Variants in SGPP1 observed in about 807,000 individuals in gnomAD.
SGPP1 encodes the protein hSPP1.
SGPP1 carries 21 observed loss-of-function variants against 33.0 expected under a neutral mutation model. That is an observed-to-expected ratio of 0.64 (90% CI 0.45 to 0.92). The LOEUF (loss-of-function observed/expected upper bound fraction) is 0.92. Ranked by LOEUF, SGPP1 falls within the 40% of genes least tolerant of loss-of-function variation. The probability of loss-of-function intolerance (pLI) is 0.00; values close to 1 mark genes in which losing one functional copy is unlikely to be tolerated. For missense variants in SGPP1, 543 were observed against 589.4 expected (o/e 0.92, Z 0.81); for synonymous variants, 239 against 241.2 (o/e 0.99, Z 0.08).
chr14:63,712,489 G>C (rs118123508), intron 1 of SGPP1, among the ~76,000 whole-genome samples: 4,532 of 152,200 alleles, frequency 0.03, 148 homozygotes, highest in Admixed American at 0.094. Context: ...TGGCACTAGG[G>C]AAGCAAAACC....
At chr14:63,698,876 T>A (rs961200260) in intron 1 of SGPP1, among the ~76,000 whole-genome samples, 1 of 152,214 alleles carries the variant, frequency 6.6e-6, no homozygotes, top group Non-Finnish European at 1.5e-5. Flanking sequence ...AAATCTCATG[T>A]GTCTAAATTC....
intron 2 of SGPP1, among the ~76,000 whole-genome samples, chr14:63,691,770 C>T (rs139758548): frequency 6.6e-6 from 1 of 152,246 alleles, no homozygotes; most frequent in African/African-American, 2.4e-5. Flanking sequence ...AAAACAATTG[C>T]ATTACACTGT....
At chr14:63,727,163 T>A (rs1205253153) in intron 1 of SGPP1, 98 bp downstream of exon 1, 1 of 1,457,088 alleles carries the variant, frequency 6.9e-7, no homozygotes, top group Non-Finnish European at 9.0e-7. Flanking sequence ...AGAGAGGCTT[T>A]GGAGGGGAAC....
Position 63,725,587 on chromosome 14 carries a change from T to C in SGPP1, c.684+1674A>G, listed in dbSNP as rs192424106. 5.8e-4 allele frequency among the ~76,000 whole-genome samples: 88 copies of C among 152,254 alleles called. 1 individual carries two copies. The highest frequency in any genetic ancestry group is 2.0e-3 in the African/African-American group (84 of 41,544). On this transcript the variant is annotated intron_variant, in intron 1 of 2. Coordinates refer to ENST00000247225, the MANE Select transcript of SGPP1 (RefSeq NM_030791.4). ...ATACGCAAATTTCTTAAACTTTGAGTTAAATATACTAGGTTGTTTAAAAAC... is the reference window on the plus strand; with the variant it reads ...ATACGCAAATTTCTTAAACTTTGAGCTAAATATACTAGGTTGTTTAAAAAC...
At chr14:63,691,555 T>C (rs1885095459) in intron 2 of SGPP1, among the ~76,000 whole-genome samples, 1 of 152,210 alleles carries the variant, frequency 6.6e-6, no homozygotes, top group Non-Finnish European at 1.5e-5. Flanking sequence ...ATACCTGCTA[T>C]GACTGTTTTC....
At chr14:63,708,808 A>C (rs1885468976) in intron 1 of SGPP1, among the ~76,000 whole-genome samples, 1 of 152,178 alleles carries the variant, frequency 6.6e-6, no homozygotes, top group African/African-American at 2.4e-5. Flanking sequence ...TTATAGATGA[A>C]ACTGCGGCAC....
rs1279167917 is a variant in SGPP1, at chr14:63,727,933, C to A, written c.12G>T (p.Arg4Ser). ...GGCCAACCAGCTGGGCCAGGCGCTG[C>A]CTCAGCGACATGATAACGGAACCCC... MSL[R>S]QRLAQLVGRL... Residue 4 changes from arginine to serine, a missense_variant, in exon 1 of 3, where the codon AGG becomes AGT. Transcript: ENST00000247225. The A allele has an allele frequency of 1.3e-6, 2 of 1,545,122 alleles. No individual in the cohort carries two copies. Among genetic ancestry groups the A allele is most frequent in the African/African-American group, 1.4e-5 (1 of 71,356 alleles).
chr14:63,728,037 G>T lies in SGPP1; in HGVS notation c.-93C>A, dbSNP rs1001382846. ...CCAGCGGCAGCGGAACCGGCACAGCGCTCTACCCTCCGGAGTCTGCCGGGT... is the reference window on the plus strand; with the variant it reads ...CCAGCGGCAGCGGAACCGGCACAGCTCTCTACCCTCCGGAGTCTGCCGGGT... On this transcript the variant is annotated 5_prime_UTR_variant, in exon 1 of 3. Coordinates refer to ENST00000247225, the MANE Select transcript of SGPP1 (RefSeq NM_030791.4). The T allele has an allele frequency of 7.6e-7, 1 of 1,312,206 alleles. No homozygotes were observed. Among genetic ancestry groups the T allele is most frequent in the Non-Finnish European group, 9.8e-7 (1 of 1,020,728 alleles). The allele number at this position is 1,312,206 out of a possible 1,614,324, so 81.3% of individuals were successfully genotyped here. A position where few individuals can be genotyped will look rare whatever the true frequency, so the allele number is the denominator to read the frequency against.
At chr14:63,726,970 T>A (rs1457076862) in intron 1 of SGPP1, among the ~76,000 whole-genome samples, 1 of 152,206 alleles carries the variant, frequency 6.6e-6, no homozygotes, top group Non-Finnish European at 1.5e-5. Flanking sequence ...TTTAAAAAAC[T>A]CAACCAAAGC....
At chr14:63,704,042 G>T (rs1885358056) in intron 1 of SGPP1, among the ~76,000 whole-genome samples, 1 of 151,918 alleles carries the variant, frequency 6.6e-6, no homozygotes, top group African/African-American at 2.4e-5. Flanking sequence ...GCCCAGGCTG[G>T]TCTCCAACTC....
At chr14:63,715,978 C>T (rs909354874) in intron 1 of SGPP1, among the ~76,000 whole-genome samples, 2 of 152,144 alleles carry the variant, frequency 1.3e-5, no homozygotes, top group African/African-American at 4.8e-5. Flanking sequence ...TACGATTATT[C>T]TGGACCATCC....
chr14:63,716,425 T>G (rs1280699361), intron 1 of SGPP1, among the ~76,000 whole-genome samples: 1 of 151,582 alleles, frequency 6.6e-6, no homozygotes, highest in Non-Finnish European at 1.5e-5. Flanking sequence ...ATCCGGGGGG[T>G]GGAGGTTGCA....
intron 1 of SGPP1, among the ~76,000 whole-genome samples, chr14:63,703,722 C>T (rs943804608): frequency 1.4e-5 from 2 of 142,082 alleles, no homozygotes; most frequent in Admixed American, 1.4e-4. Context: ...GATTAGAAGA[C>T]TTAATACATT....
At chr14:63,689,937 T>C (rs1489927936) in intron 2 of SGPP1, among the ~76,000 whole-genome samples, 1 of 152,256 alleles carries the variant, frequency 6.6e-6, no homozygotes, top group African/African-American at 2.4e-5. Flanking sequence ...TCATTCACTT[T>C]CACAATCATG....
intron 1 of SGPP1, among the ~76,000 whole-genome samples, chr14:63,723,397 C>G (rs1175545894): frequency 6.6e-6 from 1 of 152,224 alleles, no homozygotes; most frequent in African/African-American, 2.4e-5. Context: ...CTATACTATT[C>G]CAATCTCTCC....
Position 63,704,046 on chromosome 14 carries a change from C to T in SGPP1, c.685-5388G>A, listed in dbSNP as rs532528176. Among the ~76,000 whole-genome samples, 6 of 152,070 alleles carry T rather than the reference C, an allele frequency of 3.9e-5. No homozygotes were observed. In the South Asian group the frequency reaches 1.2e-3, roughly 32 times the overall value. ...CTCGCTATGTTGCCCAGGCTGGTCTCCAACTCCTGGGCTCAAGTGATCCTC... is the reference window on the plus strand; with the variant it reads ...CTCGCTATGTTGCCCAGGCTGGTCTTCAACTCCTGGGCTCAAGTGATCCTC... On this transcript the variant is annotated intron_variant, in intron 1 of 2. Transcript: ENST00000247225.
At chr14:63,725,220 T>TA (rs1056054617) in intron 1 of SGPP1, among the ~76,000 whole-genome samples, 2 of 151,894 alleles carry the variant, frequency 1.3e-5, no homozygotes, top group African/African-American at 4.8e-5. Context: ...TAAAAATCCT[T>TA]AAAAAATTAG....
intron 1 of SGPP1, among the ~76,000 whole-genome samples, chr14:63,726,209 A>C (rs959193278): frequency 2.6e-5 from 4 of 152,228 alleles, no homozygotes; most frequent in African/African-American, 7.2e-5. Flanking sequence ...TTTACACAGA[A>C]TGTGTATTTC....
At chr14:63,721,409 A>C (rs1269502196) in intron 1 of SGPP1, among the ~76,000 whole-genome samples, 2 of 151,962 alleles carry the variant, frequency 1.3e-5, no homozygotes, top group African/African-American at 4.8e-5. Context: ...ATGCCACTGC[A>C]CTCCAGCCTG....
Sources: allele counts gnomAD v4.1 joint callset (sites outside exome capture counted in the v4.1 genomes callset), GRCh38; gene constraint gnomAD v4.1.1; transcripts MANE v1.5; gene names NCBI Gene and HGNC (gene_info 2026-07-23, HGNC 2026-07-21).